C17orf99: variants seen among roughly 807,000 people sequenced by gnomAD.
The protein encoded by C17orf99 is protein IL-40.
Under a neutral mutation model 22.6 loss-of-function variants are expected in C17orf99, and 18 were observed. That is an observed-to-expected ratio of 0.80 (90% CI 0.55 to 1.18). The LOEUF (loss-of-function observed/expected upper bound fraction) is 1.18. Among genes scored for constraint, C17orf99 ranks in the 50% most tolerant of loss-of-function variants. C17orf99 has a pLI of 0.00. For missense variants in C17orf99, 328 were observed against 342.7 expected, an observed-to-expected ratio of 0.96 and a Z score of 0.34; for synonymous variants, 147 against 136.6, an observed-to-expected ratio of 1.08 and a Z score of -0.53.
chr17:78,165,088 TC>T, intron 4 of C17orf99: 1 of 1,049,714 alleles, frequency 9.5e-7, no homozygotes. Context: ...GGGCCCAGCC[TC>T]CCAGGGTCCC....
At chr17:78,165,448 G>T in intron 4 of C17orf99, 1 of 985,484 alleles carries the variant, frequency 1.0e-6, no homozygotes, top group Non-Finnish European at 1.2e-6. Flanking sequence ...CCTTCATTTA[G>T]TGGGGTGAGT....
upstream of C17orf99, among the ~76,000 whole-genome samples, chr17:78,145,608 G>C (rs771471955): frequency 6.6e-6 from 1 of 152,104 alleles, no homozygotes; most frequent in Non-Finnish European, 1.5e-5. Flanking sequence ...ACCATCATGG[G>C]TGGGGCTGCC....
At chr17:78,162,273 C>CAAAA (rs35349689) in intron 3 of C17orf99, among the ~76,000 whole-genome samples, 6 of 93,458 alleles carry the variant, frequency 6.4e-5, no homozygotes, top group Admixed American at 3.4e-4. Flanking sequence ...AAGACTATCT[C>CAAAA]AAAAAAAAAA....
At chr17:78,148,233 G>A (rs9910058) in intron 2 of C17orf99, among the ~76,000 whole-genome samples, 86,958 of 148,104 alleles carry the variant, frequency 0.59, 26,403 homozygotes, top group African/African-American at 0.73. Context: ...AAAAAAAAAA[G>A]AAAATGGCTC....
rs1451508574 is a variant in C17orf99, at chr17:78,164,111, G to T, written c.387G>T (p.Leu129=). The change falls in exon 4 of 5, where the codon CTG becomes CTT. Residue 129 remains leucine (L), a synonymous_variant. Coordinates refer to ENST00000340363, the MANE Select transcript of C17orf99 (RefSeq NM_001163075.2). ...CCCTGCCAGAGCCAGTGTCTGAGCT[G>T]CGGGCCAACTTCACTCTGCAGGACA... is the stretch of plus-strand genomic sequence containing the variant. ...WELWSKPVSE[L]RANFTLQDRG... 1 of 1,551,728 alleles carries T rather than the reference G, an allele frequency of 6.4e-7. No individual in the cohort carries two copies. The highest frequency in any genetic ancestry group is 2.4e-5 in the East Asian group (1 of 40,926).
At chr17:78,154,134 C>A (rs2075507514) in intron 2 of C17orf99, among the ~76,000 whole-genome samples, 1 of 151,832 alleles carries the variant, frequency 6.6e-6, no homozygotes, top group Admixed American at 6.6e-5. Flanking sequence ...CCATGTTGCC[C>A]AGGCTGGCTT....
Position 78,161,103 on chromosome 17 carries a change from G to A in C17orf99, c.219G>A (p.Lys73=). The A allele has an allele frequency of 1.9e-6, 3 of 1,551,768 alleles. No homozygotes were observed. The highest frequency in any genetic ancestry group is 2.4e-5 in the East Asian group (1 of 40,922). Residue 73 remains lysine (K), a synonymous_variant, in exon 3 of 5, where the codon AAG becomes AAA. Coordinates refer to ENST00000340363, the MANE Select transcript of C17orf99 (RefSeq NM_001163075.2). ...CCAAGAACATCAAGGTGGCCAAGAA[G>A]GTGGTGAAGACCCACGAGCCGGCCT... is the stretch of plus-strand genomic sequence containing the variant. ...CGTKNIKVAK[K]VVKTHEPASF...
chr17:78,164,724 C>CCGGG, intron 4 of C17orf99: 1 of 1,335,560 alleles, frequency 7.5e-7, no homozygotes, highest in Non-Finnish European at 9.8e-7. Context: ...AGAGGTCCAA[C>CCGGG]CGGGCCCTGG....
intron 2 of C17orf99, among the ~76,000 whole-genome samples, chr17:78,156,865 A>C (rs2075529080): frequency 6.6e-6 from 1 of 151,950 alleles, no homozygotes; most frequent in African/African-American, 2.4e-5. Context: ...CGTCCACCTC[A>C]GCCTCCCAAA....
chr17:78,146,237 G>A (rs9894519), upstream of C17orf99: 849 of 574,436 alleles, frequency 1.5e-3, 6 homozygotes, highest in African/African-American at 0.014. The surrounding 1 kb of genome is among the most constrained non-coding windows in gnomAD (Gnocchi z 5.2). Context: ...GGGCCTGCCG[G>A]GGCTCTCTGG....
intron 2 of C17orf99, among the ~76,000 whole-genome samples, chr17:78,156,410 A>G (rs1567819164): frequency 6.6e-6 from 1 of 151,550 alleles, no homozygotes; most frequent in Non-Finnish European, 1.5e-5. Context: ...TGTTTTCCAC[A>G]ATGAAATTGA....
At chr17:78,165,663 G>C in intron 4 of C17orf99, 1 of 896,266 alleles carries the variant, frequency 1.1e-6, no homozygotes, top group Non-Finnish European at 1.4e-6. Flanking sequence ...TTAGCCGGGC[G>C]TGGTGGTGCG....
intron 2 of C17orf99, among the ~76,000 whole-genome samples, chr17:78,150,439 A>T (rs7218677): frequency 0.47 from 71,943 of 152,018 alleles, 19,294 homozygotes; most frequent in East Asian, 0.73. Context: ...CCACTGTGCC[A>T]GTGTGTTTTG....
In C17orf99 at chr17:78,146,568, A is replaced by G; in HGVS notation, c.37+124A>G. On this transcript the variant is annotated intron_variant, in intron 1 of 4. Transcript: ENST00000340363. The surrounding 1 kb of genome is among the most constrained non-coding windows in gnomAD (Gnocchi z 5.2). The stretch of plus-strand genomic sequence containing the variant: ...AGGAAGGGCACCTCTGGAAACATGG[A>G]CAGAGAGGGAAAGATCTGGGCTTGA... The G allele has an allele frequency of 1.1e-6, 1 of 878,044 alleles. No homozygotes were observed. The highest frequency in any genetic ancestry group is 1.7e-5 in the African/African-American group (1 of 60,334). 54.4% of individuals were successfully genotyped at this position (878,044 alleles called of 1,614,324 possible).
chr17:78,162,475 C>A (rs1008719219), intron 3 of C17orf99, among the ~76,000 whole-genome samples: 2 of 151,734 alleles, frequency 1.3e-5, no homozygotes, highest in Non-Finnish European at 2.9e-5. Flanking sequence ...GACAAGGAAT[C>A]GCCCCATTCA....
At chr17:78,151,108 G>A (rs1019702058) in intron 2 of C17orf99, among the ~76,000 whole-genome samples, 17 of 151,120 alleles carry the variant, frequency 1.1e-4, no homozygotes, top group African/African-American at 4.1e-4. Context: ...GGGCGACAGA[G>A]TGAGACTCTG....
At chr17:78,156,141 C>A (rs2075523112) in intron 2 of C17orf99, among the ~76,000 whole-genome samples, 1 of 151,066 alleles carries the variant, frequency 6.6e-6, no homozygotes, top group South Asian at 2.1e-4. Flanking sequence ...ACCAGCCTGG[C>A]CAATGTGGCG....
upstream of C17orf99, chr17:78,146,381 G>A (rs1337323631): frequency 9.7e-6 from 15 of 1,548,602 alleles, no homozygotes; most frequent in Middle Eastern, 1.7e-4. The surrounding 1 kb of genome is among the most constrained non-coding windows in gnomAD (Gnocchi z 5.2). Context: ...CTCACTGCCC[G>A]AGCAGAGGCC....
At chr17:78,165,735 G>A (rs942677216) in intron 4 of C17orf99, 154 bp from the exon 5 acceptor site, 31 of 1,131,812 alleles carry the variant, frequency 2.7e-5, no homozygotes, top group Non-Finnish European at 3.5e-5. Context: ...CCAGGAGGTG[G>A]AGGTTGCAGT....
Sources: allele counts gnomAD v4.1 joint callset (sites outside exome capture counted in the v4.1 genomes callset), GRCh38; gene constraint gnomAD v4.1.1; non-coding constraint Gnocchi (gnomAD v3.1); transcripts MANE v1.5; gene names NCBI Gene and HGNC (gene_info 2026-07-23, HGNC 2026-07-21).